The following SCN11A variants were observed in gnomAD, a reference collection of about 807,000 sequenced individuals.
SCN11A encodes the protein sodium voltage-gated channel alpha subunit 11, also known as sodium channel protein type 11 subunit alpha.
A neutral mutation model predicts 162.2 loss-of-function variants in SCN11A; 122 were observed. That is an observed-to-expected ratio of 0.75 (90% CI 0.65 to 0.87). The LOEUF is 0.87. Ranked by LOEUF, SCN11A falls within the 40% of genes least tolerant of loss-of-function variation. The pLI is 0.00. For synonymous variants in SCN11A, 758 were observed against 751.5 expected (o/e 1.01, Z -0.14); for missense variants, 2,015 against 2,181.6 (o/e 0.92, Z 1.52).
intron 2 of SCN11A, among the ~76,000 whole-genome samples, chr3:39,004,921 T>C (rs1340681629): frequency 6.6e-6 from 1 of 152,198 alleles, no homozygotes; most frequent in East Asian, 1.9e-4. Flanking sequence ...AAGGGCTTTA[T>C]TCAGCTGGGA....
intron 16 of SCN11A, among the ~76,000 whole-genome samples, chr3:38,901,060 A>T (rs957160046): frequency 6.6e-6 from 1 of 152,218 alleles, no homozygotes; most frequent in African/African-American, 2.4e-5. Flanking sequence ...GTAATATTAA[A>T]AGGATTAAAG....
At chr3:38,949,869 C>T (rs2066575023) in intron 5 of SCN11A, among the ~76,000 whole-genome samples, 1 of 152,128 alleles carries the variant, frequency 6.6e-6, no homozygotes, top group Non-Finnish European at 1.5e-5. Context: ...CTTTTGCAGT[C>T]CCTCATCCTC....
chr3:39,001,956 G>T (rs2030828214), intron 2 of SCN11A, among the ~76,000 whole-genome samples: 1 of 151,892 alleles, frequency 6.6e-6, no homozygotes, highest in Admixed American at 6.6e-5. Flanking sequence ...AGAATGGCGT[G>T]AACCCGGGAG....
chr3:39,022,518 T>C (rs1168089601), intron 2 of SCN11A, among the ~76,000 whole-genome samples: 1 of 152,206 alleles, frequency 6.6e-6, no homozygotes, highest in African/African-American at 2.4e-5. Flanking sequence ...AAGTATAGAT[T>C]ACAATAAGAG....
chr3:38,899,996 G>A lies in SCN11A; in HGVS notation c.1920C>T (p.Gly640=), dbSNP rs749118908. 6.2e-7 allele frequency: 1 copy of A among 1,613,968 alleles called. No homozygotes were observed. Among genetic ancestry groups the A allele is most frequent in the African/African-American group, 1.3e-5 (1 of 74,926 alleles). The change falls in exon 17 of 30, where the codon GGC becomes GGT. Residue 640 remains glycine (G), a synonymous_variant. Transcript: ENST00000302328. ...CAACAATGCTGTCAAAAATGTTCCA[G>A]CCTCGGCGAAAGTAGTGGTAGGGAT... The part of the protein sequence containing the change: ...ALDPYHYFRR[G]WNIFDSIVAL...
chr3:38,888,411 A>G (rs1260234006), intron 19 of SCN11A, among the ~76,000 whole-genome samples: 1 of 152,258 alleles, frequency 6.6e-6, no homozygotes, highest in Non-Finnish European at 1.5e-5. Flanking sequence ...AGATCTTCCC[A>G]CTAAAGATGA....
At chr3:39,037,137 T>C (rs1439432198) in intron 1 of SCN11A, among the ~76,000 whole-genome samples, 1 of 152,232 alleles carries the variant, frequency 6.6e-6, no homozygotes, top group African/African-American at 2.4e-5. Context: ...AGAGTACTAT[T>C]CAGCTACAAA....
At chr3:38,979,351 G>A (rs1193060109) in intron 2 of SCN11A, among the ~76,000 whole-genome samples, 1 of 152,242 alleles carries the variant, frequency 6.6e-6, no homozygotes. Flanking sequence ...TGGTGTGAGA[G>A]ATATTGTAAG....
chr3:38,980,404 G>T (rs985049034), intron 2 of SCN11A, among the ~76,000 whole-genome samples: 2 of 152,194 alleles, frequency 1.3e-5, no homozygotes, highest in Admixed American at 6.5e-5. Flanking sequence ...GGAAGTTAAT[G>T]GGGAAGCAAT....
chr3:38,957,496 G>A (rs985850524), intron 3 of SCN11A, among the ~76,000 whole-genome samples: 2 of 152,154 alleles, frequency 1.3e-5, no homozygotes, highest in Non-Finnish European at 2.9e-5. Flanking sequence ...CAACTTGCAT[G>A]CAGTCTTAAA....
Position 38,940,225 on chromosome 3 carries a change from A to T in SCN11A, c.488+5186T>A, listed in dbSNP as rs146646395. 6.0e-4 allele frequency among the ~76,000 whole-genome samples: 91 copies of T among 152,246 alleles called. No homozygotes were observed. The East Asian group carries it at 0.017, about 29-fold the overall frequency. ...AGAAAACTTTAAAGCAATTAGAGGA[A>T]CACAAAAGAAGATTTTAACAAATGA... On this transcript the variant is annotated intron_variant, in intron 7 of 29. Transcript: ENST00000302328.
chr3:38,929,022 G>A (rs975739463), intron 7 of SCN11A, among the ~76,000 whole-genome samples: 4 of 152,062 alleles, frequency 2.6e-5, no homozygotes, highest in African/African-American at 9.7e-5. Context: ...TAACAAAGAG[G>A]TGGAAGCAAC....
chr3:38,914,712 T>C (rs1347257726), intron 11 of SCN11A, among the ~76,000 whole-genome samples: 1 of 152,186 alleles, frequency 6.6e-6, no homozygotes, highest in Non-Finnish European at 1.5e-5. Flanking sequence ...GTTGAGTTTA[T>C]CAAAAGCCTT....
intron 19 of SCN11A, among the ~76,000 whole-genome samples, chr3:38,893,417 T>C (rs935805903): frequency 9.9e-5 from 15 of 152,076 alleles, no homozygotes; most frequent in African/African-American, 3.1e-4. Context: ...ACAATAAACA[T>C]TGGAGATCTC....
intron 2 of SCN11A, among the ~76,000 whole-genome samples, chr3:38,980,642 C>G (rs375261690): frequency 1.1e-4 from 16 of 152,176 alleles, no homozygotes; most frequent in African/African-American, 3.6e-4. Context: ...TATATGAGCT[C>G]AAGAGAGACC....
intron 2 of SCN11A, among the ~76,000 whole-genome samples, 99 bp from the exon 3 acceptor site, chr3:38,960,522 G>C (rs1323718551): frequency 1.3e-5 from 2 of 152,128 alleles, no homozygotes; most frequent in South Asian, 2.1e-4. Context: ...GACTGAGAGG[G>C]TACTTACATT....
intron 4 of SCN11A, among the ~76,000 whole-genome samples, chr3:38,951,336 C>T (rs923778273): frequency 2.6e-5 from 4 of 152,264 alleles, no homozygotes; most frequent in East Asian, 1.9e-4. Context: ...CCAGCAGAGT[C>T]GGCCCACTGG....
intron 2 of SCN11A, among the ~76,000 whole-genome samples, chr3:38,991,709 G>T (rs2030458167): frequency 1.3e-5 from 2 of 152,176 alleles, no homozygotes; most frequent in African/African-American, 4.8e-5. Flanking sequence ...CTATGCTGTT[G>T]TTTTTCTTAT....
At chr3:39,006,119 T>C (rs2030966419) in intron 2 of SCN11A, among the ~76,000 whole-genome samples, 1 of 152,266 alleles carries the variant, frequency 6.6e-6, no homozygotes, top group Non-Finnish European at 1.5e-5. Context: ...TATGACAATC[T>C]GATTATCATT....
Sources: allele counts gnomAD v4.1 joint callset (sites outside exome capture counted in the v4.1 genomes callset), GRCh38; gene constraint gnomAD v4.1.1; transcripts MANE v1.5; gene names NCBI Gene and HGNC (gene_info 2026-07-23, HGNC 2026-07-21).